STX6: variants seen among roughly 807,000 people sequenced by gnomAD.
STX6 encodes the protein syntaxin-6.
STX6 carries 23 observed loss-of-function variants against 38.0 expected under a neutral mutation model. The observed-to-expected ratio is 0.60, with a 90% CI of 0.43 to 0.86. STX6 has a LOEUF of 0.86. STX6 is among the 40% of genes least tolerant of loss of function. STX6 has a pLI of 0.00. For missense variants in STX6, 274 were observed against 312.9 expected, an observed-to-expected ratio of 0.88 and a Z score of 0.94; for synonymous variants, 123 against 107.5, an observed-to-expected ratio of 1.14 and a Z score of -0.89.
rs1655523657 is a variant in STX6, at chr1:180,984,760, T to A, written c.608A>T (p.Asp203Val). The change falls in exon 7 of 8, where the codon GAT (aspartate) becomes GTT (valine). Residue 203 changes from aspartate (D) to valine (V), a missense_variant. Transcript: ENST00000258301. ...ELEEQAVMLE[D>V]FSHELESTQS... ...AGTGCTCTCCAATTCGTGAGAGAAA[T>A]CTTCCAACATACTAGAGAGAAGCAG... is the stretch of plus-strand genomic sequence containing the variant. 6.4e-7 allele frequency: 1 copy of A among 1,558,778 alleles called. No homozygotes were observed. The highest frequency in any genetic ancestry group is 8.9e-7 in the Non-Finnish European group (1 of 1,129,750).
intron 1 of STX6, among the ~76,000 whole-genome samples, chr1:181,008,876 G>C (rs1338072820): frequency 6.6e-6 from 1 of 151,748 alleles, no homozygotes; most frequent in Non-Finnish European, 1.5e-5. Context: ...TGAGATTTGA[G>C]AAAGCCTGCA....
intron 3 of STX6, among the ~76,000 whole-genome samples, chr1:180,995,968 A>C (rs1022086125): frequency 3.3e-5 from 5 of 152,094 alleles, no homozygotes; most frequent in Non-Finnish European, 4.4e-5. Context: ...TCAGTTTATA[A>C]ATTTATTAAG....
chr1:180,984,424 T>A (rs902762441), intron 7 of STX6, among the ~76,000 whole-genome samples: 3 of 152,116 alleles, frequency 2.0e-5, no homozygotes, highest in African/African-American at 4.8e-5. Flanking sequence ...CACGCACCTG[T>A]AATCCCAGCT....
At chr1:180,994,960 A>T (rs540457081) in intron 3 of STX6, among the ~76,000 whole-genome samples, 9 of 136,052 alleles carry the variant, frequency 6.6e-5, no homozygotes, top group South Asian at 2.2e-4. Context: ...CAAGAAATTT[A>T]AAAAAAAATT....
At chr1:180,997,529 C>A (rs1056380401) in intron 3 of STX6, among the ~76,000 whole-genome samples, 1 of 152,126 alleles carries the variant, frequency 6.6e-6, no homozygotes, top group Non-Finnish European at 1.5e-5. Flanking sequence ...GTGTAAAATA[C>A]ATGCCAGATT....
At chr1:181,001,165 C>T (rs969995188) in intron 3 of STX6, among the ~76,000 whole-genome samples, 1 of 152,070 alleles carries the variant, frequency 6.6e-6, no homozygotes, top group African/African-American at 2.4e-5. Flanking sequence ...TGATAATCTA[C>T]CATTTGAAAT....
At chr1:181,015,564 T>A (rs1467985008) in intron 1 of STX6, among the ~76,000 whole-genome samples, 2 of 152,224 alleles carry the variant, frequency 1.3e-5, no homozygotes, top group Non-Finnish European at 2.9e-5. Context: ...ACCTTGGGGC[T>A]CAGACATATT....
chr1:181,009,549 G>C (rs191834562), intron 1 of STX6, among the ~76,000 whole-genome samples: 40 of 149,204 alleles, frequency 2.7e-4, no homozygotes, highest in African/African-American at 9.4e-4. Context: ...CACAGGAAAA[G>C]ATGCCCAATA....
At chr1:180,999,631 G>A (rs1278898244) in intron 3 of STX6, among the ~76,000 whole-genome samples, 8 of 145,638 alleles carry the variant, frequency 5.5e-5, no homozygotes, top group African/African-American at 1.8e-4. Flanking sequence ...AGAAACAGGC[G>A]ATTTACTTCT....
chr1:181,014,406 G>A (rs868206901), intron 1 of STX6, among the ~76,000 whole-genome samples: 18 of 142,224 alleles, frequency 1.3e-4, no homozygotes, highest in Admixed American at 2.8e-4. Flanking sequence ...AAAAAAAAAA[G>A]AAAAAAAAAG....
In STX6 at chr1:180,976,261, C is replaced by T; in HGVS notation, c.*309G>A. ...CAAAACACCAGTGGAGTCTGTAAGTCCCTCCTCAGCAAACGAGGTCCCGGA... is the reference window on the plus strand; with the variant it reads ...CAAAACACCAGTGGAGTCTGTAAGTTCCTCCTCAGCAAACGAGGTCCCGGA... On this transcript the variant is annotated 3_prime_UTR_variant, in exon 8 of 8. Coordinates refer to ENST00000258301, the MANE Select transcript of STX6 (RefSeq NM_005819.6). 2.8e-6 allele frequency: 1 copy of T among 358,114 alleles called. No homozygotes were observed. The highest frequency in any genetic ancestry group is 5.4e-6 in the Non-Finnish European group (1 of 186,544). The allele number at this position is 358,114 out of a possible 1,614,324, so 22.2% of individuals were successfully genotyped here.
At chr1:181,004,807 C>A (rs1656179655) in intron 2 of STX6, among the ~76,000 whole-genome samples, 1 of 152,032 alleles carries the variant, frequency 6.6e-6, no homozygotes, top group Non-Finnish European at 1.5e-5. Flanking sequence ...AAGCGCTGGT[C>A]ACAACCTAGG....
intron 2 of STX6, among the ~76,000 whole-genome samples, chr1:181,004,848 T>C (rs1375012385): frequency 6.6e-6 from 1 of 151,846 alleles, no homozygotes; most frequent in Non-Finnish European, 1.5e-5. Context: ...GTGGGGGCAG[T>C]CTTGTGGGAC....
chr1:180,982,018 A>G (rs1332099340), intron 7 of STX6, among the ~76,000 whole-genome samples: 3 of 152,332 alleles, frequency 2.0e-5, no homozygotes, highest in East Asian at 3.9e-4. Flanking sequence ...AAATCTCAGT[A>G]TCTACTTAAA....
At position 180,997,642 on chromosome 1, in the gene STX6, T is replaced by C. The variant is rs1414522069; in HGVS notation, c.301-4217A>G. Among the ~76,000 whole-genome samples the C allele has an allele frequency of 2.0e-5, 3 of 152,208 alleles. No individual in the cohort carries two copies. The East Asian group carries it at 5.8e-4, about 29-fold the overall frequency. ...TTTGGATATATCAGGTTAAATAAAA[T>C]ATATTAAGCTCACCTATTTTTACTC... is the stretch of plus-strand genomic sequence containing the variant. On this transcript the variant is annotated intron_variant, in intron 3 of 7. Coordinates refer to ENST00000258301, the MANE Select transcript of STX6 (RefSeq NM_005819.6).
chr1:180,983,365 G>C (rs1406307558), intron 7 of STX6, among the ~76,000 whole-genome samples: 1 of 152,172 alleles, frequency 6.6e-6, no homozygotes, highest in Non-Finnish European at 1.5e-5. Flanking sequence ...TACAGTCAGG[G>C]AACATTCAGA....
At chr1:181,008,629 A>G (rs898606812) in intron 1 of STX6, among the ~76,000 whole-genome samples, 15 of 152,252 alleles carry the variant, frequency 9.9e-5, no homozygotes, top group Middle Eastern at 3.4e-3. Flanking sequence ...CACAGTATCC[A>G]AAATCATATT....
At chr1:181,001,232 C>T (rs1656071566) in intron 3 of STX6, among the ~76,000 whole-genome samples, 1 of 152,168 alleles carries the variant, frequency 6.6e-6, no homozygotes, top group Non-Finnish European at 1.5e-5. Flanking sequence ...ACTAAGGTTC[C>T]TGCCTAAGAT....
chr1:180,981,508 T>A (rs1446030051), intron 7 of STX6, among the ~76,000 whole-genome samples: 1 of 152,108 alleles, frequency 6.6e-6, no homozygotes, highest in Non-Finnish European at 1.5e-5. Context: ...CCCTCAGGCA[T>A]CTCGCTATTC....
Sources: gnomAD v4.1 joint callset for allele counts (sites outside exome capture counted in the v4.1 genomes callset) on GRCh38, gnomAD v4.1.1 for gene constraint, MANE v1.5 for transcripts, NCBI Gene and HGNC (gene_info 2026-07-23, HGNC 2026-07-21) for gene names.